The following XPO5 variants were observed in gnomAD, a reference collection of about 807,000 sequenced individuals.
XPO5 encodes exportin 5.
In XPO5, 46 loss-of-function variants were observed where a neutral mutation model predicts 160.6. That is an observed-to-expected ratio of 0.29 (90% CI 0.23 to 0.37). XPO5 has a LOEUF of 0.37. Among genes scored for constraint, XPO5 ranks in the 10% least tolerant of loss-of-function variants. XPO5 has a pLI of 1.00. For missense variants in XPO5, 1,090 were observed against 1,463.9 expected (o/e 0.74, Z 4.17); for synonymous variants, 537 against 519.3 (o/e 1.03, Z -0.46).
chr6:43,562,183 A>C, intron 9 of XPO5, 64 bp downstream of exon 9: 1 of 1,363,388 alleles, frequency 7.3e-7, no homozygotes, highest in South Asian at 1.3e-5. Flanking sequence ...TCATTGAAAC[A>C]TAAGTTTCTA....
chr6:43,564,029 C>T (rs557468415), intron 8 of XPO5, among the ~76,000 whole-genome samples: 33 of 152,110 alleles, frequency 2.2e-4, no homozygotes, highest in Non-Finnish European at 3.4e-4. Flanking sequence ...TTCAAGCGAT[C>T]TCCTGCCTCA....
chr6:43,523,693 A>G lies in XPO5; in HGVS notation c.*175T>C, dbSNP rs200925338. On this transcript the variant is annotated 3_prime_UTR_variant, in exon 32 of 32. Coordinates refer to ENST00000265351, the MANE Select transcript of XPO5 (RefSeq NM_020750.3). ...TAACTCCCTTTCTTGATACTTTAGT[A>G]TAATTACTTCTGGTCCTGCACAGGG... is the stretch of plus-strand genomic sequence containing the variant. 4.1e-6 allele frequency: 4 copies of G among 976,962 alleles called. No homozygotes were observed. Among genetic ancestry groups the G allele is most frequent in the Admixed American group, 3.4e-5 (2 of 59,154 alleles). 60.5% of individuals were successfully genotyped at this position (976,962 alleles called of 1,614,324 possible).
At chr6:43,531,701 A>T in intron 21 of XPO5, 126 bp from the exon 22 acceptor site, 1 of 789,826 alleles carries the variant, frequency 1.3e-6, no homozygotes, top group East Asian at 2.6e-5. Context: ...TGTACTGCAA[A>T]GCAGTTGGCT....
chr6:43,547,411 A>T, intron 19 of XPO5, 197 bp downstream of exon 19: 3 of 670,506 alleles, frequency 4.5e-6, no homozygotes, highest in African/African-American at 1.8e-5. Flanking sequence ...TTCATAGAAA[A>T]GACCATCTGC....
rs774915885 is a variant in XPO5 at position 43,533,975 on chromosome 6, A to C, written c.2375T>G (p.Leu792Arg). Residue 792 changes from leucine (L) to arginine (R), a missense_variant, in exon 21 of 32, where the codon CTA becomes CGA. Physicochemically the swap from Leu to Arg is moderately radical, Grantham distance 102. Around this residue, in one of 3 missense-constraint regions of XPO5, gnomAD observed 810 missense variants for 1,139.0 expected, o/e 0.71. Coordinates refer to ENST00000265351, the MANE Select transcript of XPO5 (RefSeq NM_020750.3). Reference sequence around the variant, plus strand: ...GGTGAAAGGCTCTGCCATTTTGGCTAGCATTTCTGGTGCATATAATGTATT... The same window carrying C: ...GGTGAAAGGCTCTGCCATTTTGGCTCGCATTTCTGGTGCATATAATGTATT... ...THNTLYAPEMLAKMAEPFTKA... is the reference protein window; with the variant it reads ...THNTLYAPEMRAKMAEPFTKA... The C allele has an allele frequency of 1.5e-5, 24 of 1,605,524 alleles. No individual in the cohort carries two copies. The Admixed American group carries it at 3.9e-4, about 26-fold the overall frequency.
chr6:43,530,673 CTT>C lies in XPO5; in HGVS notation c.2677+13_2677+14del. The C allele has an allele frequency of 6.2e-7, 1 of 1,611,130 alleles. No homozygotes were observed. The highest frequency in any genetic ancestry group is 1.3e-5 in the African/African-American group (1 of 74,828). On this transcript the variant is annotated intron_variant, in intron 23 of 31. Coordinates refer to ENST00000265351, the MANE Select transcript of XPO5 (RefSeq NM_020750.3). Reference sequence around the variant, plus strand: ...TCTGACCTTTTGGGTTATGTAGAGACTTTTGAAAGGATATGAAGCATGGGTCT... The same window carrying C: ...TCTGACCTTTTGGGTTATGTAGAGACTTGAAAGGATATGAAGCATGGGTCT...
At chr6:43,566,267 G>A (rs972764225) in intron 7 of XPO5, among the ~76,000 whole-genome samples, 42 of 152,104 alleles carry the variant, frequency 2.8e-4, no homozygotes, top group African/African-American at 8.9e-4. Context: ...GGTGGCACAC[G>A]CCTGTAATCC....
At chr6:43,568,935 T>A (rs1323678119) in intron 5 of XPO5, among the ~76,000 whole-genome samples, 198 bp from the exon 6 acceptor site, 1 of 152,242 alleles carries the variant, frequency 6.6e-6, no homozygotes, top group Non-Finnish European at 1.5e-5. Flanking sequence ...GAAGCATAAT[T>A]AAATGAATAC....
intron 1 of XPO5, 127 bp from the exon 2 acceptor site, chr6:43,573,728 G>A: frequency 1.8e-6 from 2 of 1,135,692 alleles, no homozygotes; most frequent in Non-Finnish European, 1.2e-6. Context: ...ACTCTGGGAG[G>A]CTGAGATGGG....
rs367687316 is a variant in XPO5, at chr6:43,568,704, C to G, written c.648+7G>C. ...GGTCTCCTTCAAACTTTATAAAGAG[C>G]TCTTACCTTTGACTCCTGAGAAGTA... is the stretch of plus-strand genomic sequence containing the variant. On this transcript the variant is annotated splice_region_variant and intron_variant, in intron 6 of 31. Transcript: ENST00000265351. 4 of 1,578,898 alleles carry G rather than the reference C, an allele frequency of 2.5e-6. No individual in the cohort carries two copies. The highest frequency in any genetic ancestry group is 1.2e-5 in the South Asian group (1 of 85,552).
chr6:43,573,278 T>G, intron 2 of XPO5: 1 of 641,134 alleles, frequency 1.6e-6, no homozygotes, highest in South Asian at 2.2e-5. Flanking sequence ...CCACACACTT[T>G]ACATGGATGA....
intron 20 of XPO5, among the ~76,000 whole-genome samples, chr6:43,538,191 T>A (rs1316482351): frequency 1.7e-5 from 2 of 121,192 alleles, no homozygotes; most frequent in African/African-American, 6.2e-5. Flanking sequence ...GCTCTGTCGC[T>A]CAGGCTGGAG....
chr6:43,562,652 G>A (rs1212513675), intron 8 of XPO5, among the ~76,000 whole-genome samples: 3 of 152,144 alleles, frequency 2.0e-5, no homozygotes, highest in African/African-American at 7.2e-5. Context: ...TGGGGTAAAC[G>A]AGGCCTAGGC....
intron 13 of XPO5, among the ~76,000 whole-genome samples, chr6:43,554,518 G>A (rs1561879217): frequency 1.3e-5 from 2 of 151,518 alleles, no homozygotes; most frequent in Admixed American, 6.6e-5. Context: ...TCCACCTCCT[G>A]GGTTCAAGTG....
At chr6:43,543,822 G>GC (rs1794831503) in intron 20 of XPO5, among the ~76,000 whole-genome samples, 2 of 151,862 alleles carry the variant, frequency 1.3e-5, no homozygotes, top group Admixed American at 1.3e-4. Flanking sequence ...GATTACAGGC[G>GC]CCCGCCACCA....
At chr6:43,535,106 C>T (rs892215778) in intron 20 of XPO5, among the ~76,000 whole-genome samples, 1 of 150,812 alleles carries the variant, frequency 6.6e-6, no homozygotes, top group Non-Finnish European at 1.5e-5. Context: ...TCCTGGCTAA[C>T]ACAGTGAAAC....
chr6:43,570,185 G>A (rs1227126823), intron 5 of XPO5, among the ~76,000 whole-genome samples: 2 of 150,032 alleles, frequency 1.3e-5, no homozygotes, highest in East Asian at 2.0e-4. Flanking sequence ...GGTGGCGGGC[G>A]CCTGTAGTCC....
intron 14 of XPO5, 105 bp from the exon 15 acceptor site, chr6:43,551,558 T>G: frequency 7.2e-7 from 1 of 1,393,900 alleles, no homozygotes; most frequent in Non-Finnish European, 9.9e-7. Flanking sequence ...GGTCTCATTC[T>G]GTCACCTAGG....
At chr6:43,553,663 A>G in intron 13 of XPO5, 160 bp from the exon 14 acceptor site, 1 of 1,386,774 alleles carries the variant, frequency 7.2e-7, no homozygotes, top group Non-Finnish European at 9.3e-7. Context: ...CAGCTGGGGC[A>G]AAGAAAAGAT....
Sources: allele counts gnomAD v4.1 joint callset (sites outside exome capture counted in the v4.1 genomes callset), GRCh38; gene constraint gnomAD v4.1.1; regional missense constraint gnomAD v4.1.1; transcripts MANE v1.5; gene names NCBI Gene and HGNC (gene_info 2026-07-23, HGNC 2026-07-21).